PSMF1: variants seen among roughly 807,000 people sequenced by gnomAD.
PSMF1 encodes proteasome inhibitor PI31 subunit.
In PSMF1, 30 loss-of-function variants were observed where a neutral mutation model predicts 29.3. The observed-to-expected ratio is 1.02, with a 90% CI of 0.77 to 1.39. PSMF1 has a LOEUF of 1.39. Ranked by LOEUF, PSMF1 falls within the 40% of genes most tolerant of loss-of-function variation. The probability of loss-of-function intolerance (pLI) is 0.00; values close to 1 mark genes in which losing one functional copy is unlikely to be tolerated. For synonymous variants in PSMF1, 134 were observed against 139.7 expected, an observed-to-expected ratio of 0.96 and a Z score of 0.29; for missense variants, 344 against 357.5, an observed-to-expected ratio of 0.96 and a Z score of 0.31.
Position 1,125,488 on chromosome 20 carries a change from G to A in PSMF1, c.130-10G>A, listed in dbSNP as rs778014873. 134 of 1,596,710 alleles carry A rather than the reference G, an allele frequency of 8.4e-5. No individual in the cohort carries two copies. Among genetic ancestry groups the A allele is most frequent in the Non-Finnish European group, 1.1e-4 (124 of 1,172,508 alleles). On this transcript the variant is annotated splice_polypyrimidine_tract_variant and intron_variant, in intron 1 of 6. Transcript: ENST00000335877. Reference sequence around the variant, plus strand: ...CATGATCTTTCTCCTCTCAACTGTGGTCTTCCCAGCCGGGTCCCAATGATA... The same window carrying A: ...CATGATCTTTCTCCTCTCAACTGTGATCTTCCCAGCCGGGTCCCAATGATA...
intron 4 of PSMF1, among the ~76,000 whole-genome samples, chr20:1,147,488 A>C (rs142829468): frequency 6.6e-6 from 1 of 152,200 alleles, no homozygotes; most frequent in Non-Finnish European, 1.5e-5. Flanking sequence ...TACAAATTCA[A>C]TGTAGTGTAG....
chr20:1,165,293 A>G lies in PSMF1; in HGVS notation c.*213A>G. ...TGCAGATAGCTCCCAAAGAGAAATC[A>G]GTGTGTCTCTTTCACCATCAGCTCC... On this transcript the variant is annotated 3_prime_UTR_variant, in exon 7 of 7. Transcript: ENST00000335877. 1 of 1,413,428 alleles carries G rather than the reference A, an allele frequency of 7.1e-7. No individual in the cohort carries two copies. Among genetic ancestry groups the G allele is most frequent in the Non-Finnish European group, 9.2e-7 (1 of 1,087,462 alleles). 87.6% of individuals were successfully genotyped at this position (1,413,428 alleles called of 1,614,324 possible).
In PSMF1 at chr20:1,164,415, G is replaced by A; in HGVS notation, c.703G>A (p.Gly235Ser). 1 of 1,614,176 alleles carries A rather than the reference G, an allele frequency of 6.2e-7. No homozygotes were observed. The highest frequency in any genetic ancestry group is 8.5e-7 in the Non-Finnish European group (1 of 1,180,034). The change falls in exon 6 of 7, where the codon GGC (glycine) becomes AGC (serine). Residue 235 changes from glycine (G) to serine (S), a missense_variant. Coordinates refer to ENST00000335877, the MANE Select transcript of PSMF1 (RefSeq NM_006814.5). This position sits in a 1 kb window ranked among gnomAD's most constrained non-coding sequence, Gnocchi z 4.1. Reference protein sequence around the residue: ...SSGLPNRLPPGAVPPGARFDP... With the variant: ...SSGLPNRLPPSAVPPGARFDP... Reference sequence around the variant, plus strand: ...AGGCCTCCCGAACCGACTTCCTCCAGGCGCTGTGCCCCCAGGAGCTCGCTT... The same window carrying A: ...AGGCCTCCCGAACCGACTTCCTCCAAGCGCTGTGCCCCCAGGAGCTCGCTT...
In PSMF1 at chr20:1,171,050, G is replaced by A. The variant is rs2086784966; in HGVS notation, c.*5970G>A. Among the ~76,000 whole-genome samples, 1 of 152,150 alleles carries A rather than the reference G, an allele frequency of 6.6e-6. No homozygotes were observed. The highest frequency in any genetic ancestry group is 1.5e-5 in the Non-Finnish European group (1 of 68,022). ...CCCAGACCTCACATCCTCTCTAGGT[G>A]AGGTGCATGGGTCCCTGGGCAAAAC... On this transcript the variant is annotated 3_prime_UTR_variant, in exon 7 of 7. Transcript: ENST00000335877.
chr20:1,150,240 CAT>C (rs1179235526), intron 4 of PSMF1, among the ~76,000 whole-genome samples: 2 of 151,194 alleles, frequency 1.3e-5, no homozygotes, highest in African/African-American at 2.4e-5. Flanking sequence ...ATTAAAAAGA[CAT>C]ATTCAAAGAT....
intron 1 of PSMF1, among the ~76,000 whole-genome samples, chr20:1,119,182 G>A (rs1247216718): frequency 6.6e-6 from 1 of 152,152 alleles, no homozygotes; most frequent in Non-Finnish European, 1.5e-5. Context: ...GGACTGTGTG[G>A]ATCTAGCATT....
chr20:1,171,767 T>C lies in PSMF1; in HGVS notation c.*6687T>C, dbSNP rs1362173160. Among the ~76,000 whole-genome samples, 8 of 152,286 alleles carry C rather than the reference T, an allele frequency of 5.3e-5. No homozygotes were observed. The highest frequency in any genetic ancestry group is 1.9e-4 in the East Asian group (1 of 5,174). ...CTTCCTTACCCAGGATGGCCCACTC[T>C]TGGGGACAGACAGGCATCCTGAGAG... is the stretch of plus-strand genomic sequence containing the variant. On this transcript the variant is annotated 3_prime_UTR_variant, in exon 7 of 7. Coordinates refer to ENST00000335877, the MANE Select transcript of PSMF1 (RefSeq NM_006814.5).
chr20:1,141,271 G>T (rs2086376301), intron 4 of PSMF1, among the ~76,000 whole-genome samples: 1 of 152,106 alleles, frequency 6.6e-6, no homozygotes, highest in Non-Finnish European at 1.5e-5. Flanking sequence ...CATATTCTGT[G>T]AACATCTAAA....
upstream of PSMF1, among the ~76,000 whole-genome samples, chr20:1,113,732 G>A (rs946217509): frequency 3.3e-5 from 5 of 151,464 alleles, no homozygotes; most frequent in Non-Finnish European, 7.4e-5. Flanking sequence ...TCGCTCTGTC[G>A]CCCAGGTTGG....
intron 4 of PSMF1, among the ~76,000 whole-genome samples, chr20:1,162,831 G>A (rs1213266528): frequency 6.6e-6 from 1 of 152,130 alleles, no homozygotes; most frequent in African/African-American, 2.4e-5. Context: ...ATTATACAAA[G>A]TTGAAGAAAC....
intron 4 of PSMF1, among the ~76,000 whole-genome samples, chr20:1,149,215 GATATTCTTTACTGT>G (rs1568477354): frequency 3.3e-5 from 5 of 152,166 alleles, no homozygotes; most frequent in Non-Finnish European, 7.3e-5. Context: ...AATAATTCTA[GATATTCTTTACTGT>G]TAAACCAACT....
At chr20:1,148,469 T>A (rs904306262) in intron 4 of PSMF1, among the ~76,000 whole-genome samples, 2 of 152,256 alleles carry the variant, frequency 1.3e-5, no homozygotes, top group African/African-American at 4.8e-5. Flanking sequence ...TTAACCAGCT[T>A]CTCTAAAAAT....
chr20:1,131,542 C>T (rs752468790), intron 3 of PSMF1, among the ~76,000 whole-genome samples: 8 of 152,136 alleles, frequency 5.3e-5, no homozygotes, highest in Non-Finnish European at 1.0e-4. Flanking sequence ...TGGAAATGGG[C>T]GGTGAAAGCT....
chr20:1,160,794 A>G (rs1471393377), intron 4 of PSMF1: 11 of 432,730 alleles, frequency 2.5e-5, no homozygotes, highest in African/African-American at 6.2e-5. Context: ...GAAGTACCCC[A>G]TCGAGCACAG....
intron 1 of PSMF1, among the ~76,000 whole-genome samples, chr20:1,120,502 A>G (rs1185866937): frequency 6.6e-6 from 1 of 152,142 alleles, no homozygotes; most frequent in Admixed American, 6.5e-5. Flanking sequence ...CCCCCATTTC[A>G]GCGTCAGGCC....
intron 3 of PSMF1, 92 bp from the exon 4 acceptor site, chr20:1,135,029 G>A (rs1306733395): frequency 1.5e-6 from 2 of 1,316,310 alleles, no homozygotes; most frequent in African/African-American, 1.4e-5. Flanking sequence ...GAGCTATCAG[G>A]GCCGCCGCCG....
At chr20:1,126,434 T>G (rs2086157444) in intron 2 of PSMF1, among the ~76,000 whole-genome samples, 1 of 152,222 alleles carries the variant, frequency 6.6e-6, no homozygotes, top group African/African-American at 2.4e-5. Flanking sequence ...CCTTATTTGT[T>G]TTAACTATTA....
upstream of PSMF1, among the ~76,000 whole-genome samples, chr20:1,113,762 A>C (rs1414780649): frequency 6.6e-6 from 1 of 151,642 alleles, no homozygotes. Flanking sequence ...GCGCGATCTC[A>C]GCTTACTGCA....
Position 1,165,056 on chromosome 20 carries a change from G to C in PSMF1, c.792G>C (p.Pro264=). The C allele has an allele frequency of 6.2e-7, 1 of 1,613,972 alleles. No individual in the cohort carries two copies. The highest frequency in any genetic ancestry group is 2.2e-5 in the East Asian group (1 of 44,858). Reference sequence around the variant, plus strand: ...CTAACCCAGACCATCTCCCCCCGCCGGGCTACGATGACATGTACCTGTGAA... The same window carrying C: ...CTAACCCAGACCATCTCCCCCCGCCCGGCTACGATGACATGTACCTGTGAA... The part of the protein sequence containing the change: ...PGPNPDHLPP[P]GYDDMYL The change falls in exon 7 of 7, where the codon CCG becomes CCC. Residue 264 remains proline, a synonymous_variant. Coordinates refer to ENST00000335877, the MANE Select transcript of PSMF1 (RefSeq NM_006814.5).
Sources: allele counts gnomAD v4.1 joint callset (sites outside exome capture counted in the v4.1 genomes callset), GRCh38; gene constraint gnomAD v4.1.1; non-coding constraint Gnocchi (gnomAD v3.1); transcripts MANE v1.5; gene names NCBI Gene and HGNC (gene_info 2026-07-23, HGNC 2026-07-21).